PAX7: variants seen among roughly 807,000 people sequenced by gnomAD.
PAX7 encodes the protein paired box protein Pax-7.
Under a neutral mutation model 50.7 loss-of-function variants are expected in PAX7, and 18 were observed. That is an observed-to-expected ratio of 0.36 (90% CI 0.25 to 0.53). PAX7 has a LOEUF of 0.53. PAX7 is among the 20% of genes least tolerant of loss of function. The pLI is 0.93. For synonymous variants in PAX7, 310 were observed against 290.4 expected (o/e 1.07, Z -0.69); for missense variants, 644 against 702.9 (o/e 0.92, Z 0.95).
chr1:18,698,338 C>G (rs920451014), intron 5 of PAX7, among the ~76,000 whole-genome samples: 5 of 151,426 alleles, frequency 3.3e-5, no homozygotes, highest in African/African-American at 1.2e-4. Flanking sequence ...ATGATTAAAG[C>G]CTTTCAGGAA....
At chr1:18,681,432 G>A (rs919179273) in intron 4 of PAX7, among the ~76,000 whole-genome samples, 5 of 152,054 alleles carry the variant, frequency 3.3e-5, no homozygotes, top group South Asian at 4.1e-4. Context: ...ACAGCTTGGC[G>A]CAGAAGAAAG....
chr1:18,729,816 C>T (rs368891391), intron 7 of PAX7, among the ~76,000 whole-genome samples: 4 of 152,192 alleles, frequency 2.6e-5, no homozygotes, highest in African/African-American at 9.7e-5. Context: ...CCTCACACTC[C>T]TGCTCCCTTT....
Position 18,700,117 on chromosome 1 carries a change from T to TGTGTG in PAX7, c.787-536_787-535insGTGTG, listed in dbSNP as rs3080499. On this transcript the variant is annotated intron_variant, in intron 5 of 8. Coordinates refer to ENST00000420770, the MANE Select transcript of PAX7 (RefSeq NM_001135254.2). This position sits in a 1 kb window ranked among gnomAD's most constrained non-coding sequence, Gnocchi z 4.8. The stretch of plus-strand genomic sequence containing the variant: ...GTGTGTGTGTGTGTGTGTGTGTGTG[T>TGTGTG]TTCCTATTTCAAGGAGGCCCAGGGT... Among the ~76,000 whole-genome samples, 2 of 147,108 alleles carry TGTGTG rather than the reference T, an allele frequency of 1.4e-5. No homozygotes were observed. The highest frequency in any genetic ancestry group is 2.0e-4 in the East Asian group (1 of 4,926).
intron 7 of PAX7, among the ~76,000 whole-genome samples, chr1:18,711,862 C>A (rs1315071748): frequency 6.6e-6 from 1 of 152,150 alleles, no homozygotes; most frequent in Non-Finnish European, 1.5e-5. Context: ...GACCTGAAGC[C>A]GAATGACATT....
chr1:18,633,002 G>A (rs1177833146), intron 1 of PAX7, among the ~76,000 whole-genome samples: 2 of 152,222 alleles, frequency 1.3e-5, no homozygotes, highest in East Asian at 3.9e-4. Flanking sequence ...TCGCTAAAGA[G>A]GCTCTTGAAT....
chr1:18,707,816 G>A (rs2089302814), intron 7 of PAX7, among the ~76,000 whole-genome samples: 1 of 152,150 alleles, frequency 6.6e-6, no homozygotes, highest in South Asian at 2.1e-4. Context: ...GGTGCAAGAA[G>A]AAACCATCTA....
At chr1:18,637,776 G>T (rs1229831426) in intron 4 of PAX7, among the ~76,000 whole-genome samples, 1 of 152,266 alleles carries the variant, frequency 6.6e-6, no homozygotes, top group East Asian at 1.9e-4. Flanking sequence ...GGGAAGGGGC[G>T]GCCATTGACA....
rs755225721 is a variant in PAX7 at position 18,636,261 on chromosome 1, T to C, written c.476T>C (p.Val159Ala). 22 of 1,614,040 alleles carry C rather than the reference T, an allele frequency of 1.4e-5. No individual in the cohort carries two copies. The highest frequency in any genetic ancestry group is 1.8e-5 in the Non-Finnish European group (21 of 1,180,004). The part of the protein sequence containing the change: ...PSGLVSSISR[V>A]LRIKFGKKEE... Reference sequence around the variant, plus strand: ...GGTTTAGTGAGTTCGATTAGCCGCGTGCTCAGAATCAAGTTCGGGAAGAAA... The same window carrying C: ...GGTTTAGTGAGTTCGATTAGCCGCGCGCTCAGAATCAAGTTCGGGAAGAAA... Residue 159 changes from valine to alanine, a missense_variant, in exon 4 of 9, where the codon GTG becomes GCG. Coordinates refer to ENST00000420770, the MANE Select transcript of PAX7 (RefSeq NM_001135254.2). This position sits in a 1 kb window ranked among gnomAD's most constrained non-coding sequence, Gnocchi z 5.1.
At chr1:18,694,407 C>A (rs1383015154) in intron 5 of PAX7, among the ~76,000 whole-genome samples, 5 of 150,786 alleles carry the variant, frequency 3.3e-5, no homozygotes, top group Non-Finnish European at 7.4e-5. Flanking sequence ...TGCAGTGAGC[C>A]GAGATCATGC....
At chr1:18,713,626 C>T (rs1265638908) in intron 7 of PAX7, among the ~76,000 whole-genome samples, 1 of 152,166 alleles carries the variant, frequency 6.6e-6, no homozygotes, top group Non-Finnish European at 1.5e-5. Context: ...AGAGACAATA[C>T]TCCTCATCCC....
chr1:18,636,987 G>A lies in PAX7; in HGVS notation c.586+616G>A, dbSNP rs774405746. On this transcript the variant is annotated intron_variant, in intron 4 of 8. Coordinates refer to ENST00000420770, the MANE Select transcript of PAX7 (RefSeq NM_001135254.2). This position sits in a 1 kb window ranked among gnomAD's most constrained non-coding sequence, Gnocchi z 5.1. ...AGTGCCTTCCTCTGTGGCGTGCGCC[G>A]GCAGGGCTGGGAGTGGAGGCCAAGT... is the stretch of plus-strand genomic sequence containing the variant. Among the ~76,000 whole-genome samples, 1 of 152,186 alleles carries A rather than the reference G, an allele frequency of 6.6e-6. No homozygotes were observed. Among genetic ancestry groups the A allele is most frequent in the African/African-American group, 2.4e-5 (1 of 41,456 alleles).
intron 4 of PAX7, among the ~76,000 whole-genome samples, chr1:18,673,835 GC>G (rs1183997031): frequency 6.6e-6 from 1 of 152,194 alleles, no homozygotes; most frequent in Non-Finnish European, 1.5e-5. Flanking sequence ...GCATTTGGGG[GC>G]CCTCTGAGCA....
intron 4 of PAX7, among the ~76,000 whole-genome samples, chr1:18,670,828 G>A (rs1454665727): frequency 6.6e-6 from 1 of 152,184 alleles, no homozygotes; most frequent in African/African-American, 2.4e-5. Flanking sequence ...TACATGTAGA[G>A]GGCAAAGGCA....
intron 7 of PAX7, among the ~76,000 whole-genome samples, chr1:18,716,278 C>T (rs990455466): frequency 5.9e-5 from 9 of 152,162 alleles, no homozygotes; most frequent in Admixed American, 2.6e-4. Context: ...CTAATTCCTG[C>T]GCACCTCGGC....
intron 4 of PAX7, among the ~76,000 whole-genome samples, chr1:18,687,237 G>A (rs569877411): frequency 1.3e-5 from 2 of 152,168 alleles, no homozygotes; most frequent in South Asian, 4.2e-4. Context: ...CAGGGAGGGA[G>A]GCATACAAGG....
intron 4 of PAX7, among the ~76,000 whole-genome samples, chr1:18,671,633 C>T (rs1171338984): frequency 1.3e-5 from 2 of 151,950 alleles, no homozygotes; most frequent in South Asian, 2.1e-4. Context: ...TGAATCTTGG[C>T]CCTGCCTTAT....
chr1:18,647,142 G>A (rs1268468351), intron 4 of PAX7, among the ~76,000 whole-genome samples: 1 of 152,114 alleles, frequency 6.6e-6, no homozygotes, highest in Non-Finnish European at 1.5e-5. Context: ...CCGGGCCCTG[G>A]TGCAGGGCCT....
chr1:18,737,177 C>T (rs139357068), intron 8 of PAX7, among the ~76,000 whole-genome samples: 1 of 152,378 alleles, frequency 6.6e-6, no homozygotes, highest in Non-Finnish European at 1.5e-5. Flanking sequence ...TCATGGGTCA[C>T]TTTCCTGCCC....
In PAX7 at chr1:18,669,710, TGCTTAGAA is replaced by T. The variant is rs139520517; in HGVS notation, c.587-22039_587-22032del. Among the ~76,000 whole-genome samples the T allele has an allele frequency of 2.7e-3, 413 of 152,366 alleles. 2 individuals are homozygous for T. The highest frequency in any genetic ancestry group is 8.2e-3 in the African/African-American group (341 of 41,590). On this transcript the variant is annotated intron_variant, in intron 4 of 8. Transcript: ENST00000420770. Reference sequence around the variant, plus strand: ...ACCTGAGTACAATCCCATACTCTGCTGCTTAGAAGCTTTGAGACGTGGACAGTAGCTTG... The same window carrying T: ...ACCTGAGTACAATCCCATACTCTGCTGCTTTGAGACGTGGACAGTAGCTTG...
Sources: gnomAD v4.1 joint callset for allele counts (sites outside exome capture counted in the v4.1 genomes callset) on GRCh38, gnomAD v4.1.1 for gene constraint, Gnocchi (gnomAD v3.1) non-coding constraint, MANE v1.5 for transcripts, NCBI Gene and HGNC (gene_info 2026-07-23, HGNC 2026-07-21) for gene names.